CNTNAP2: variants seen among roughly 807,000 people sequenced by gnomAD.
CNTNAP2 encodes contactin-associated protein-like 2.
A neutral mutation model predicts 155.2 loss-of-function variants in CNTNAP2; 98 were observed. The observed-to-expected ratio is 0.63, with a 90% CI of 0.54 to 0.75. CNTNAP2 has a LOEUF of 0.75. Among genes scored for constraint, CNTNAP2 ranks in the 30% least tolerant of loss-of-function variants. CNTNAP2 has a pLI of 0.00. For synonymous variants in CNTNAP2, 651 were observed against 631.2 expected, an observed-to-expected ratio of 1.03 and a Z score of -0.47; for missense variants, 1,727 against 1,688.1, an observed-to-expected ratio of 1.02 and a Z score of -0.40.
At chr7:148,068,491 T>C (rs538688981) in intron 15 of CNTNAP2, among the ~76,000 whole-genome samples, 41 of 152,324 alleles carry the variant, frequency 2.7e-4, no homozygotes, top group African/African-American at 9.4e-4. Flanking sequence ...GGACTTTCCC[T>C]CCTCACGCTT....
At chr7:146,519,380 A>G (rs1797585306) in intron 1 of CNTNAP2, among the ~76,000 whole-genome samples, 1 of 151,844 alleles carries the variant, frequency 6.6e-6, no homozygotes, top group Non-Finnish European at 1.5e-5. Context: ...AGTCTTCAAG[A>G]GTTTTTCAAC....
At chr7:147,946,100 A>G (rs1800816704) in intron 14 of CNTNAP2, among the ~76,000 whole-genome samples, 1 of 151,626 alleles carries the variant, frequency 6.6e-6, no homozygotes, top group African/African-American at 2.4e-5. Context: ...CACTTTTCTT[A>G]ATTCACCCCT....
intron 3 of CNTNAP2, among the ~76,000 whole-genome samples, chr7:146,940,671 C>T (rs931061705): frequency 1.3e-5 from 2 of 150,520 alleles, no homozygotes; most frequent in Admixed American, 1.3e-4. Flanking sequence ...TGTGACTACA[C>T]ATTAGTGTAG....
At chr7:147,940,772 A>G (rs1303038628) in intron 14 of CNTNAP2, among the ~76,000 whole-genome samples, 2 of 152,152 alleles carry the variant, frequency 1.3e-5, no homozygotes, top group African/African-American at 4.8e-5. Context: ...TCCTGGGCTC[A>G]AGCGATCCTC....
intron 1 of CNTNAP2, among the ~76,000 whole-genome samples, chr7:146,336,669 A>C (rs1801281643): frequency 6.6e-6 from 1 of 152,208 alleles, no homozygotes; most frequent in African/African-American, 2.4e-5. Flanking sequence ...ACGGCCCTAA[A>C]CTGGAAAAAC....
At position 146,191,146 on chromosome 7, in the gene CNTNAP2, G is replaced by A. The variant is rs189701797; in HGVS notation, c.97+74173G>A. Among the ~76,000 whole-genome samples, 333 of 152,220 alleles carry A rather than the reference G, an allele frequency of 2.2e-3. 1 individual carries two copies. The highest frequency in any genetic ancestry group is 3.6e-3 in the Non-Finnish European group (244 of 68,010). ...AACCACCCCTGATAATTCAACGTAGGTTCTTTTCTATTTTCCCTGAGTGTT... is the reference window on the plus strand; with the variant it reads ...AACCACCCCTGATAATTCAACGTAGATTCTTTTCTATTTTCCCTGAGTGTT... On this transcript the variant is annotated intron_variant, in intron 1 of 23. Transcript: ENST00000361727.
chr7:147,780,318 A>G (rs2116553856), intron 13 of CNTNAP2, among the ~76,000 whole-genome samples: 1 of 152,322 alleles, frequency 6.6e-6, no homozygotes, highest in African/African-American at 2.4e-5. Context: ...GCTTCACTAT[A>G]TACAGTTAAT....
chr7:146,404,073 C>G (rs1175125421), intron 1 of CNTNAP2, among the ~76,000 whole-genome samples: 1 of 141,092 alleles, frequency 7.1e-6, no homozygotes, highest in Non-Finnish European at 1.5e-5. Flanking sequence ...TGCAGTGAGC[C>G]GAGATCCCGC....
intron 13 of CNTNAP2, among the ~76,000 whole-genome samples, chr7:147,665,673 C>T (rs1050717428): frequency 2.6e-5 from 4 of 152,158 alleles, no homozygotes; most frequent in Non-Finnish European, 5.9e-5. Context: ...TCTGTCTGTC[C>T]ATGTGTTCAC....
intron 13 of CNTNAP2, among the ~76,000 whole-genome samples, chr7:147,753,856 T>C (rs1272771793): frequency 6.6e-6 from 1 of 152,078 alleles, no homozygotes; most frequent in Non-Finnish European, 1.5e-5. Flanking sequence ...TTGAGGGAAA[T>C]CTAAGGTCAG....
At position 146,877,568 on chromosome 7, in the gene CNTNAP2, ATGTG is replaced by A. The variant is rs1188214028; in HGVS notation, c.402+37670_402+37673del. Among the ~76,000 whole-genome samples, 3 of 151,350 alleles carry A rather than the reference ATGTG, an allele frequency of 2.0e-5. No individual in the cohort carries two copies. The East Asian group carries it at 5.8e-4, about 29-fold the overall frequency. ...TATAAATAATATGTGTATACTATATATGTGTGTGTATATGTATACATATATACAT... is the reference window on the plus strand; with the variant it reads ...TATAAATAATATGTGTATACTATATATGTGTATATGTATACATATATACAT... On this transcript the variant is annotated intron_variant, in intron 3 of 23. Coordinates refer to ENST00000361727, the MANE Select transcript of CNTNAP2 (RefSeq NM_014141.6).
chr7:147,215,179 T>C (rs927562237), intron 8 of CNTNAP2, among the ~76,000 whole-genome samples: 1 of 152,282 alleles, frequency 6.6e-6, no homozygotes, highest in Admixed American at 6.5e-5. Flanking sequence ...TTGGTTACAA[T>C]TGATGAGCCT....
intron 9 of CNTNAP2, among the ~76,000 whole-genome samples, chr7:147,359,890 TATG>T (rs1481726552): frequency 6.6e-6 from 1 of 152,174 alleles, no homozygotes; most frequent in African/African-American, 2.4e-5. Context: ...CCTCTCCTAA[TATG>T]ATATGTTCTT....
chr7:147,042,141 G>A (rs1799271819), intron 3 of CNTNAP2, among the ~76,000 whole-genome samples: 1 of 152,188 alleles, frequency 6.6e-6, no homozygotes, highest in Admixed American at 6.5e-5. Flanking sequence ...AAGACATACT[G>A]CTCAAATAGT....
At chr7:147,580,540 C>T (rs1370811793) in intron 12 of CNTNAP2, among the ~76,000 whole-genome samples, 1 of 137,628 alleles carries the variant, frequency 7.3e-6, no homozygotes, top group East Asian at 2.1e-4. Context: ...ACAGTTCGAA[C>T]ATTTCCTGAA....
At chr7:146,278,873 A>G (rs954281996) in intron 1 of CNTNAP2, among the ~76,000 whole-genome samples, 4 of 152,164 alleles carry the variant, frequency 2.6e-5, no homozygotes, top group African/African-American at 9.6e-5. Context: ...GATGAATGCC[A>G]TCTTGTTATT....
At chr7:147,655,505 G>GA (rs1466842251) in intron 13 of CNTNAP2, among the ~76,000 whole-genome samples, 2 of 152,198 alleles carry the variant, frequency 1.3e-5, no homozygotes, top group African/African-American at 2.4e-5. Flanking sequence ...TAGCAGGCAT[G>GA]AAAAAACATT....
chr7:146,907,151 G>A (rs1408819080), intron 3 of CNTNAP2, among the ~76,000 whole-genome samples: 1 of 152,112 alleles, frequency 6.6e-6, no homozygotes, highest in African/African-American at 2.4e-5. Flanking sequence ...ATGGGACTGT[G>A]AAAAGACCAA....
At chr7:147,240,580 C>G (rs10257633) in intron 8 of CNTNAP2, among the ~76,000 whole-genome samples, 107,579 of 152,104 alleles carry the variant, frequency 0.71, 38,757 homozygotes, top group African/African-American at 0.83. Flanking sequence ...ACTCAGCTGT[C>G]TATCTCCATA....
Sources: gnomAD v4.1 joint callset for allele counts (sites outside exome capture counted in the v4.1 genomes callset) on GRCh38, gnomAD v4.1.1 for gene constraint, MANE v1.5 for transcripts, NCBI Gene and HGNC (gene_info 2026-07-23, HGNC 2026-07-21) for gene names.